CALN1: variants seen among roughly 807,000 people sequenced by gnomAD.
CALN1 encodes calneuron 1, also known as calcium-binding protein 8.
In CALN1, 17 loss-of-function variants were observed where a neutral mutation model predicts 30.6. The observed-to-expected ratio is 0.56, with a 90% confidence interval of 0.38 to 0.83. CALN1 has a LOEUF of 0.83. Ranked by LOEUF, CALN1 falls within the 40% of genes least tolerant of loss-of-function variation. The probability of loss-of-function intolerance (pLI) is 0.00; values close to 1 mark genes in which losing one functional copy is unlikely to be tolerated. For missense variants in CALN1, 291 were observed against 354.9 expected, an observed-to-expected ratio of 0.82 and a Z score of 1.45; for synonymous variants, 156 against 131.4, an observed-to-expected ratio of 1.19 and a Z score of -1.28.
At chr7:71,965,879 T>C (rs1797505596) in intron 5 of CALN1, among the ~76,000 whole-genome samples, 1 of 150,974 alleles carries the variant, frequency 6.6e-6, no homozygotes, top group African/African-American at 2.4e-5. Context: ...CTAGAGGATC[T>C]TTCTTGGTCT....
chr7:72,388,687 T>G (rs1478970136), intron 2 of CALN1, among the ~76,000 whole-genome samples: 1 of 152,160 alleles, frequency 6.6e-6, no homozygotes, highest in African/African-American at 2.4e-5. Context: ...CCCTAAAAGA[T>G]GGCCTAAAAA....
chr7:72,489,023 A>T, the CALN1 span, among the ~76,000 whole-genome samples: 564 of 151,732 alleles, frequency 3.7e-3, 3 homozygotes, highest in African/African-American at 0.013. Context: ...ATATGGTAAA[A>T]TTTTTTTTTC....
intron 4 of CALN1, among the ~76,000 whole-genome samples, chr7:72,090,952 A>T (rs1055464426): frequency 2.6e-5 from 4 of 152,152 alleles, no homozygotes; most frequent in African/African-American, 9.7e-5. Context: ...GTAAGAAGAG[A>T]TGGCTAATGG....
chr7:72,482,059 G>A, the CALN1 span, among the ~76,000 whole-genome samples: 64 of 152,068 alleles, frequency 4.2e-4, 1 homozygote, highest in African/African-American at 1.5e-3. Flanking sequence ...CAGGTATTTC[G>A]AAGCTCTGTT....
intron 3 of CALN1, among the ~76,000 whole-genome samples, chr7:72,234,917 G>A (rs1051448179): frequency 6.6e-6 from 1 of 152,128 alleles, no homozygotes; most frequent in African/African-American, 2.4e-5. Context: ...AGTTGCTATT[G>A]CTATAATTTC....
chr7:72,041,118 C>T (rs957829121), intron 4 of CALN1, among the ~76,000 whole-genome samples: 7 of 152,062 alleles, frequency 4.6e-5, no homozygotes, highest in Non-Finnish European at 1.0e-4. Flanking sequence ...CTTTTGATAT[C>T]CTGTTGCACT....
intron 3 of CALN1, among the ~76,000 whole-genome samples, chr7:72,107,016 AAG>A (rs1402715154): frequency 2.0e-5 from 3 of 149,208 alleles, no homozygotes; most frequent in African/African-American, 7.4e-5. Flanking sequence ...GAAAGAAAGA[AAG>A]AGAAAAAAAG....
intron 3 of CALN1, among the ~76,000 whole-genome samples, chr7:72,126,795 C>G (rs548628953): frequency 4.3e-5 from 3 of 69,298 alleles, no homozygotes; most frequent in African/African-American, 5.6e-5. Context: ...ATTTCATTCT[C>G]TTTTATGGCT....
intron 3 of CALN1, among the ~76,000 whole-genome samples, chr7:72,221,421 A>T (rs1793292235): frequency 6.7e-6 from 1 of 149,250 alleles, no homozygotes; most frequent in Non-Finnish European, 1.5e-5. Context: ...GGATTCAAGC[A>T]ACTCTCCTGC....
At chr7:72,353,140 A>C (rs1012357496) in intron 2 of CALN1, among the ~76,000 whole-genome samples, 9 of 152,220 alleles carry the variant, frequency 5.9e-5, no homozygotes. Flanking sequence ...CTCTGTGCCC[A>C]GATGGTTTCT....
At chr7:72,278,009 G>GGT (rs5884880) in intron 3 of CALN1, among the ~76,000 whole-genome samples, 2 of 69,016 alleles carry the variant, frequency 2.9e-5, no homozygotes, top group East Asian at 2.6e-4. Flanking sequence ...CCTCTATTCC[G>GGT]GGGGGGGGGG....
At chr7:72,407,147 C>A (rs2129562602) in intron 1 of CALN1, among the ~76,000 whole-genome samples, 1 of 152,304 alleles carries the variant, frequency 6.6e-6, no homozygotes, top group South Asian at 2.1e-4. Context: ...AAGAACATCA[C>A]TAATCAAATT....
At chr7:71,826,965 C>T (rs1232282751) in intron 5 of CALN1, among the ~76,000 whole-genome samples, 2 of 152,278 alleles carry the variant, frequency 1.3e-5, no homozygotes, top group East Asian at 1.9e-4. Context: ...CACATGTCAA[C>T]ATCAACAAGG....
rs768783359 is a variant in CALN1 at position 71,839,236 on chromosome 7, G to A, written c.502-28744C>T. Among the ~76,000 whole-genome samples the A allele has an allele frequency of 7.2e-5, 11 of 152,206 alleles. No homozygotes were observed. The South Asian group carries it at 1.0e-3, about 14-fold the overall frequency. On this transcript the variant is annotated intron_variant, in intron 5 of 6. Coordinates refer to ENST00000395275, the MANE Select transcript of CALN1 (RefSeq NM_031468.4). ...GAACTGCTGTAACCATCTTGTAACC[G>A]TCATGAAAATGACACTTTTGGGCCA...
intron 3 of CALN1, among the ~76,000 whole-genome samples, chr7:72,206,817 C>T (rs922280903): frequency 8.5e-5 from 13 of 152,098 alleles, no homozygotes; most frequent in Non-Finnish European, 1.3e-4. Flanking sequence ...CTTATTCAGC[C>T]TTTAATAAGA....
Position 72,395,773 on chromosome 7 carries a change from T to TG in CALN1, c.119+7477dup, listed in dbSNP as rs1805893465. On this transcript the variant is annotated intron_variant, in intron 2 of 6. Transcript: ENST00000395275. ...ACCGAGAAGGAAAAGATTTGGTCAA[T>TG]GGAACAAGAGCAAGCAAAGCATGCT... Among the ~76,000 whole-genome samples, 3 of 152,088 alleles carry TG rather than the reference T, an allele frequency of 2.0e-5. No individual in the cohort carries two copies. The South Asian group carries it at 6.2e-4, about 32-fold the overall frequency.
intron 1 of CALN1, among the ~76,000 whole-genome samples, chr7:72,442,807 A>C (rs1309106528): frequency 1.3e-5 from 2 of 152,058 alleles, no homozygotes; most frequent in African/African-American, 4.8e-5. Flanking sequence ...GCACTTATTT[A>C]GAATTGCACT....
chr7:71,895,773 C>T (rs974732609), intron 5 of CALN1, among the ~76,000 whole-genome samples: 3 of 152,194 alleles, frequency 2.0e-5, no homozygotes, highest in Non-Finnish European at 4.4e-5. Flanking sequence ...TGGATTCCTT[C>T]CAGTCATTCA....
intron 2 of CALN1, among the ~76,000 whole-genome samples, chr7:72,365,036 GGCACA>G (rs907516872): frequency 1.4e-4 from 21 of 152,052 alleles, no homozygotes; most frequent in Non-Finnish European, 2.9e-4. Flanking sequence ...CGGGCGTGGT[GGCACA>G]CACCTGCAAT....
Sources: gnomAD v4.1 joint callset for allele counts (sites outside exome capture counted in the v4.1 genomes callset) on GRCh38, gnomAD v4.1.1 for gene constraint, MANE v1.5 for transcripts, NCBI Gene and HGNC (gene_info 2026-07-23, HGNC 2026-07-21) for gene names.